PELI1: variants seen among roughly 807,000 people sequenced by gnomAD.
The protein encoded by PELI1 is pellino E3 ubiquitin protein ligase 1.
In PELI1, 15 loss-of-function variants were observed where a neutral mutation model predicts 41.3. That is an observed-to-expected ratio of 0.36 (90% CI 0.24 to 0.56). PELI1 has a LOEUF of 0.56. PELI1 is among the 20% of genes least tolerant of loss of function. The pLI, the probability that PELI1 is intolerant of heterozygous loss-of-function variation, is 0.82. For synonymous variants in PELI1, 178 were observed against 180.1 expected, an observed-to-expected ratio of 0.99 and a Z score of 0.09; for missense variants, 403 against 525.5, an observed-to-expected ratio of 0.77 and a Z score of 2.28.
chr2:64,130,675 A>G (rs369255050), intron 1 of PELI1, among the ~76,000 whole-genome samples: 1 of 152,188 alleles, frequency 6.6e-6, no homozygotes, highest in Non-Finnish European at 1.5e-5. Context: ...GCTAAATTAG[A>G]TCTTACGAAA....
chr2:64,136,482 T>C (rs1421424448), intron 1 of PELI1, among the ~76,000 whole-genome samples: 2 of 152,248 alleles, frequency 1.3e-5, no homozygotes, highest in East Asian at 3.8e-4. Context: ...ATGTTTAAAA[T>C]AGGAAGCTTT....
chr2:64,094,630 G>A lies in PELI1; in HGVS notation c.*72C>T. ...GACCAGAGCAGAAAAACTGTGACGTGGACAACAGGTTCGAAAACCCAACTC... is the reference window on the plus strand; with the variant it reads ...GACCAGAGCAGAAAAACTGTGACGTAGACAACAGGTTCGAAAACCCAACTC... On this transcript the variant is annotated 3_prime_UTR_variant, in exon 7 of 7. Coordinates refer to ENST00000358912, the MANE Select transcript of PELI1 (RefSeq NM_020651.4). 2 of 1,025,818 alleles carry A rather than the reference G, an allele frequency of 1.9e-6. No individual in the cohort carries two copies. The highest frequency in any genetic ancestry group is 2.2e-4 in the Middle Eastern group (1 of 4,644). The allele number at this position is 1,025,818 out of a possible 1,614,324, so 63.5% of individuals were successfully genotyped here.
intron 1 of PELI1, among the ~76,000 whole-genome samples, chr2:64,114,264 T>C (rs970603171): frequency 1.3e-5 from 2 of 152,192 alleles, no homozygotes; most frequent in Admixed American, 6.5e-5. Context: ...TGCTTTAGTA[T>C]GTTTGCGGTG....
In PELI1 at chr2:64,108,598, G is replaced by C. The variant is rs140022631; in HGVS notation, c.-69-219C>G. On this transcript the variant is annotated intron_variant, in intron 1 of 6. Coordinates refer to ENST00000358912, the MANE Select transcript of PELI1 (RefSeq NM_020651.4). Reference sequence around the variant, plus strand: ...GAAGACTTCCACTTACAGAAGCATAGAGCAGACATACTTTTCCCTTTTATT... The same window carrying C: ...GAAGACTTCCACTTACAGAAGCATACAGCAGACATACTTTTCCCTTTTATT... Among the ~76,000 whole-genome samples the C allele has an allele frequency of 8.5e-4, 129 of 152,264 alleles. 1 individual carries two copies. The highest frequency in any genetic ancestry group is 2.9e-3 in the Admixed American group (45 of 15,294).
chr2:64,136,069 T>C (rs1467144907), intron 1 of PELI1, among the ~76,000 whole-genome samples: 2 of 152,170 alleles, frequency 1.3e-5, no homozygotes, highest in African/African-American at 4.8e-5. Flanking sequence ...AAAATGGAAA[T>C]GAAAAACAGA....
At chr2:64,108,600 G>A (rs1680699252) in intron 1 of PELI1, among the ~76,000 whole-genome samples, 2 of 152,114 alleles carry the variant, frequency 1.3e-5, no homozygotes, top group Non-Finnish European at 2.9e-5. Context: ...GAAGCATAGA[G>A]CAGACATACT....
At chr2:64,120,582 T>C (rs1242647846) in intron 1 of PELI1, among the ~76,000 whole-genome samples, 1 of 152,208 alleles carries the variant, frequency 6.6e-6, no homozygotes, top group Non-Finnish European at 1.5e-5. Flanking sequence ...TACTAGTTAT[T>C]ACAGCAGAGC....
intron 1 of PELI1, among the ~76,000 whole-genome samples, chr2:64,134,771 A>G (rs1403374894): frequency 6.6e-6 from 1 of 152,206 alleles, no homozygotes; most frequent in Admixed American, 6.5e-5. Context: ...AACATGAAAT[A>G]CTACGGATAG....
rs552775793 is a variant in PELI1 at position 64,093,265 on chromosome 2, T to TAC, written c.*1435_*1436dup. On this transcript the variant is annotated 3_prime_UTR_variant, in exon 7 of 7. Transcript: ENST00000358912. ...GTAATAGGATAAATTAAAGGTATGCTACCACATATAAAACTTTGCTACAGT... is the reference window on the plus strand; with the variant it reads ...GTAATAGGATAAATTAAAGGTATGCTACACCACATATAAAACTTTGCTACAGT... 1 of 152,758 alleles carries TAC rather than the reference T, an allele frequency of 6.5e-6. No homozygotes were observed. The highest frequency in any genetic ancestry group is 2.1e-4 in the South Asian group (1 of 4,818). 9.5% of individuals were successfully genotyped at this position (152,758 alleles called of 1,614,324 possible).
chr2:64,117,623 A>G lies in PELI1; in HGVS notation c.-69-9244T>C, dbSNP rs180760700. Among the ~76,000 whole-genome samples, 316 of 152,354 alleles carry G rather than the reference A, an allele frequency of 2.1e-3. 3 individuals are homozygous for G. The highest frequency in any genetic ancestry group is 7.5e-3 in the African/African-American group (312 of 41,588). The stretch of plus-strand genomic sequence containing the variant: ...ATGTAGTTGAAAATTCAAATTACAA[A>G]TAAGTCTCCAATATTGTAGTAAAGT... On this transcript the variant is annotated intron_variant, in intron 1 of 6. Coordinates refer to ENST00000358912, the MANE Select transcript of PELI1 (RefSeq NM_020651.4).
At chr2:64,121,782 G>A (rs2103718784) in intron 1 of PELI1, among the ~76,000 whole-genome samples, 1 of 152,106 alleles carries the variant, frequency 6.6e-6, no homozygotes, top group South Asian at 2.1e-4. Flanking sequence ...GCACATGCCT[G>A]TAATCCCAGC....
intron 1 of PELI1, among the ~76,000 whole-genome samples, chr2:64,126,521 A>G (rs1250421621): frequency 6.6e-6 from 1 of 152,194 alleles, no homozygotes; most frequent in African/African-American, 2.4e-5. Flanking sequence ...TACTAACCCA[A>G]CAAATATTAC....
chr2:64,121,352 C>G (rs1335412796), intron 1 of PELI1, among the ~76,000 whole-genome samples: 1 of 152,102 alleles, frequency 6.6e-6, no homozygotes, highest in Non-Finnish European at 1.5e-5. Flanking sequence ...ACCTGAGGTC[C>G]TGCCATTCTT....
In PELI1 at chr2:64,131,777, C is replaced by A. The variant is rs562310197; in HGVS notation, c.-70+12304G>T. On this transcript the variant is annotated intron_variant, in intron 1 of 6. Coordinates refer to ENST00000358912, the MANE Select transcript of PELI1 (RefSeq NM_020651.4). ...CTCAGATTACAGGCACACACCACCA[C>A]GCCCAATTAATGTTTGTATTTTTAG... Among the ~76,000 whole-genome samples, 4 of 152,156 alleles carry A rather than the reference C, an allele frequency of 2.6e-5. No individual in the cohort carries two copies. The East Asian group carries it at 5.8e-4, about 22-fold the overall frequency.
intron 3 of PELI1, among the ~76,000 whole-genome samples, chr2:64,103,468 C>G (rs1051678971): frequency 8.5e-5 from 13 of 152,106 alleles, no homozygotes; most frequent in African/African-American, 2.9e-4. Context: ...GAAAAAGTGG[C>G]ATACCCAAAA....
intron 1 of PELI1, among the ~76,000 whole-genome samples, chr2:64,109,270 A>T (rs1680725824): frequency 6.6e-6 from 1 of 152,244 alleles, no homozygotes; most frequent in South Asian, 2.1e-4. Flanking sequence ...AAGCAGTGTC[A>T]ATAAAAGCCA....
chr2:64,120,053 C>T (rs1337612400), intron 1 of PELI1, among the ~76,000 whole-genome samples: 1 of 152,182 alleles, frequency 6.6e-6, no homozygotes, highest in Admixed American at 6.5e-5. Context: ...CAATTGATCA[C>T]ACTTGTTTAT....
chr2:64,102,876 T>A (rs955069736), intron 3 of PELI1, among the ~76,000 whole-genome samples: 1 of 146,352 alleles, frequency 6.8e-6, no homozygotes, highest in African/African-American at 2.5e-5. Context: ...AGGGTCTCAC[T>A]CTGTCACTCA....
chr2:64,143,211 A>G (rs1681970429), intron 1 of PELI1: 1 of 152,176 alleles, frequency 6.6e-6, no homozygotes, highest in African/African-American at 2.4e-5. Flanking sequence ...TGAGTTTATG[A>G]TTTACATTAA....
Sources: allele counts gnomAD v4.1 joint callset (sites outside exome capture counted in the v4.1 genomes callset), GRCh38; gene constraint gnomAD v4.1.1; transcripts MANE v1.5; gene names NCBI Gene and HGNC (gene_info 2026-07-23, HGNC 2026-07-21).